DCDC1: variants seen among roughly 807,000 people sequenced by gnomAD.
DCDC1 encodes doublecortin domain containing 1, also known as doublecortin domain-containing protein 1.
Under a neutral mutation model 178.3 loss-of-function variants are expected in DCDC1, and 200 were observed. The ratio of observed to expected loss-of-function variants is 1.12; its 90% CI spans 1.00 to 1.26. DCDC1 has a LOEUF of 1.26. Among genes scored for constraint, DCDC1 ranks in the 50% most tolerant of loss-of-function variants. The pLI is 0.00. For synonymous variants in DCDC1, 690 were observed against 604.8 expected, an observed-to-expected ratio of 1.14 and a Z score of -2.07; for missense variants, 1,983 against 1,749.2, an observed-to-expected ratio of 1.13 and a Z score of -2.38.
intron 4 of DCDC1, among the ~76,000 whole-genome samples, chr11:31,306,939 T>C (rs1948501145): frequency 6.6e-6 from 1 of 152,158 alleles, no homozygotes; most frequent in South Asian, 2.1e-4. Context: ...ACGGTGAAGA[T>C]TTCTAAGTTT....
At chr11:31,234,496 G>A (rs1233070969) in intron 9 of DCDC1, among the ~76,000 whole-genome samples, 2 of 152,134 alleles carry the variant, frequency 1.3e-5, no homozygotes, top group African/African-American at 4.8e-5. Flanking sequence ...TCAATCATTA[G>A]TCAGACTTCT....
At chr11:31,189,358 T>C (rs1236701839) in intron 9 of DCDC1, among the ~76,000 whole-genome samples, 4 of 152,146 alleles carry the variant, frequency 2.6e-5, no homozygotes, top group Non-Finnish European at 5.9e-5. Flanking sequence ...GCAACCATAC[T>C]GCTATTGAAC....
intron 7 of DCDC1, among the ~76,000 whole-genome samples, chr11:31,288,089 T>C (rs1157586300): frequency 1.3e-5 from 2 of 151,848 alleles, no homozygotes; most frequent in Non-Finnish European, 2.9e-5. Flanking sequence ...TCTTGAATAA[T>C]AAAATAATCC....
chr11:30,965,948 T>C (rs1949413575), intron 20 of DCDC1, among the ~76,000 whole-genome samples: 2 of 59,980 alleles, frequency 3.3e-5, no homozygotes, highest in African/African-American at 1.5e-4. Flanking sequence ...TTTTTATGGC[T>C]GCATAGTATT....
intron 9 of DCDC1, among the ~76,000 whole-genome samples, chr11:31,176,590 G>C (rs1225288676): frequency 6.6e-6 from 1 of 152,054 alleles, no homozygotes; most frequent in Non-Finnish European, 1.5e-5. Flanking sequence ...TCCTCTGCCA[G>C]GCACATTATA....
intron 11 of DCDC1, among the ~76,000 whole-genome samples, chr11:31,122,081 T>C (rs1410702695): frequency 6.6e-6 from 1 of 152,054 alleles, no homozygotes; most frequent in South Asian, 2.1e-4. Flanking sequence ...AGGTAGGCCA[T>C]TCCATATACA....
intron 17 of DCDC1, among the ~76,000 whole-genome samples, chr11:31,082,136 G>A (rs930434487): frequency 2.0e-5 from 3 of 152,116 alleles, no homozygotes; most frequent in African/African-American, 4.8e-5. Context: ...ACGAAAGGAA[G>A]GGAAAATGGA....
intron 20 of DCDC1, among the ~76,000 whole-genome samples, chr11:31,026,983 C>T (rs146288593): frequency 2.6e-5 from 4 of 151,666 alleles, no homozygotes; most frequent in Middle Eastern, 6.8e-3. Context: ...TGTTTATATC[C>T]CTAAATGTGG....
intron 36 of DCDC1, among the ~76,000 whole-genome samples, chr11:30,889,139 G>T (rs1184257058): frequency 6.6e-6 from 1 of 152,204 alleles, no homozygotes; most frequent in Non-Finnish European, 1.5e-5. Context: ...GAAGACAAAC[G>T]CTTCAGGACC....
At chr11:31,049,939 C>G (rs944262985) in intron 20 of DCDC1, among the ~76,000 whole-genome samples, 4 of 152,124 alleles carry the variant, frequency 2.6e-5, no homozygotes, top group African/African-American at 9.7e-5. Flanking sequence ...GAGTAAAACT[C>G]CACAGGGAGA....
At chr11:31,269,135 C>T (rs939234772) in intron 7 of DCDC1, among the ~76,000 whole-genome samples, 11 of 152,066 alleles carry the variant, frequency 7.2e-5, no homozygotes, top group African/African-American at 2.7e-4. Context: ...TTAAGCAATG[C>T]CAGCCTTCAG....
chr11:31,364,296 C>G (rs1951851046), intron 1 of DCDC1, among the ~76,000 whole-genome samples: 1 of 152,010 alleles, frequency 6.6e-6, no homozygotes, highest in Non-Finnish European at 1.5e-5. Context: ...AAGAGATCAC[C>G]ACAAATTTCA....
At chr11:31,014,753 C>T (rs1952380658) in intron 20 of DCDC1, among the ~76,000 whole-genome samples, 1 of 152,110 alleles carries the variant, frequency 6.6e-6, no homozygotes. Flanking sequence ...GATGCACAAC[C>T]ATAAGGCGTC....
intron 16 of DCDC1, among the ~76,000 whole-genome samples, chr11:31,092,673 C>G (rs974995189): frequency 5.9e-5 from 9 of 152,156 alleles, no homozygotes; most frequent in African/African-American, 2.2e-4. Context: ...TACATGTTTT[C>G]TGCTATCATG....
At chr11:31,299,491 A>G (rs908782531) in intron 6 of DCDC1, among the ~76,000 whole-genome samples, 2 of 152,272 alleles carry the variant, frequency 1.3e-5, no homozygotes, top group Admixed American at 1.3e-4. Context: ...GGAGCAGACT[A>G]AGGCCACTTG....
chr11:31,211,452 C>T (rs1972524356), intron 9 of DCDC1, among the ~76,000 whole-genome samples: 1 of 152,184 alleles, frequency 6.6e-6, no homozygotes, highest in East Asian at 1.9e-4. Flanking sequence ...ACTATCGCCC[C>T]ATCCCACCTG....
At chr11:31,251,925 G>A (rs1241892647) in intron 8 of DCDC1, among the ~76,000 whole-genome samples, 3 of 152,142 alleles carry the variant, frequency 2.0e-5, no homozygotes, top group African/African-American at 7.2e-5. Context: ...ACTAAGTAAA[G>A]ATAGAGAAGT....
chr11:31,224,141 T>C (rs1353952575), intron 9 of DCDC1, among the ~76,000 whole-genome samples: 1 of 152,116 alleles, frequency 6.6e-6, no homozygotes, highest in African/African-American at 2.4e-5. Flanking sequence ...TCCCCAGACA[T>C]GTGAAACTGT....
At chr11:30,995,061 G>T (rs933343062) in intron 20 of DCDC1, among the ~76,000 whole-genome samples, 3 of 151,706 alleles carry the variant, frequency 2.0e-5, no homozygotes, top group Admixed American at 6.6e-5. Context: ...TAGTAAGAAG[G>T]TTTAACAAGG....
Sources: gnomAD v4.1 joint callset for allele counts (sites outside exome capture counted in the v4.1 genomes callset) on GRCh38, gnomAD v4.1.1 for gene constraint, MANE v1.5 for transcripts, NCBI Gene and HGNC (gene_info 2026-07-23, HGNC 2026-07-21) for gene names.